GPHN: variants seen among roughly 807,000 people sequenced by gnomAD.
The protein encoded by GPHN is gephyrin.
GPHN carries 17 observed loss-of-function variants against 95.5 expected under a neutral mutation model. The observed-to-expected ratio is 0.18, with a 90% CI of 0.12 to 0.27. The LOEUF is 0.27. Ranked by LOEUF, GPHN falls within the 10% of genes least tolerant of loss-of-function variation. The pLI, the probability that GPHN is intolerant of heterozygous loss-of-function variation, is 1.00. For missense variants in GPHN, 660 were observed against 978.1 expected (o/e 0.67, Z 4.34); for synonymous variants, 320 against 322.5 (o/e 0.99, Z 0.08).
At chr14:66,911,064 TTAGA>T (rs1376395676) in intron 5 of GPHN, among the ~76,000 whole-genome samples, 1 of 152,046 alleles carries the variant, frequency 6.6e-6, no homozygotes, top group African/African-American at 2.4e-5. Flanking sequence ...GAAAATATAT[TTAGA>T]TAAACATATG....
chr14:67,326,418 G>A, the GPHN span, among the ~76,000 whole-genome samples: 1 of 151,100 alleles, frequency 6.6e-6, no homozygotes, highest in Non-Finnish European at 1.5e-5. Flanking sequence ...GTACCAAAAT[G>A]TTTTAACAAT....
intron 4 of GPHN, among the ~76,000 whole-genome samples, chr14:66,850,631 T>C (rs978834082): frequency 6.6e-6 from 1 of 152,148 alleles, no homozygotes; most frequent in African/African-American, 2.4e-5. Context: ...TACCTAGTGA[T>C]ATCAGGTGGG....
intron 17 of GPHN, among the ~76,000 whole-genome samples, chr14:67,135,989 A>G (rs1480029531): frequency 4.6e-5 from 7 of 152,200 alleles, no homozygotes; most frequent in Non-Finnish European, 1.0e-4. Context: ...TAAATCTTAA[A>G]ATTTGAAAAT....
At chr14:66,889,624 A>G (rs1464117417) in intron 5 of GPHN, among the ~76,000 whole-genome samples, 1 of 152,172 alleles carries the variant, frequency 6.6e-6, no homozygotes, top group Non-Finnish European at 1.5e-5. Flanking sequence ...AGCAGCACTG[A>G]TATTGCTGTA....
the GPHN span, among the ~76,000 whole-genome samples, chr14:67,653,725 G>A: frequency 6.6e-6 from 1 of 152,178 alleles, no homozygotes; most frequent in Admixed American, 6.5e-5. Context: ...GTTGCTGCTG[G>A]GGATGGACTC....
At chr14:67,365,403 T>C in the GPHN span, among the ~76,000 whole-genome samples, 1 of 152,216 alleles carries the variant, frequency 6.6e-6, no homozygotes, top group African/African-American at 2.4e-5. Context: ...TGGGTAAGCA[T>C]GAAAATGGGG....
chr14:67,386,557 C>A, the GPHN span: 5 of 152,212 alleles, frequency 3.3e-5, no homozygotes, highest in Admixed American at 6.5e-5. Context: ...AACCTTCCAA[C>A]TGGTGAAGTT....
intron 5 of GPHN, among the ~76,000 whole-genome samples, chr14:66,914,853 A>G (rs2065831501): frequency 6.6e-6 from 1 of 152,122 alleles, no homozygotes; most frequent in Admixed American, 6.6e-5. Flanking sequence ...GTAAACAGGA[A>G]CATATTAAGA....
At chr14:67,234,841 C>T in the GPHN span, among the ~76,000 whole-genome samples, 12 of 151,456 alleles carry the variant, frequency 7.9e-5, no homozygotes, top group African/African-American at 2.7e-4. Context: ...GGAACCACTG[C>T]GCCCGGCCTA....
intron 12 of GPHN, among the ~76,000 whole-genome samples, chr14:67,095,966 C>CAAAAAAAAAAAAAAAAAAAAAAAAATA: frequency 1.5e-5 from 1 of 67,086 alleles, no homozygotes; most frequent in Admixed American, 1.4e-4. Context: ...AAGAAAAAGG[C>CAAAAAAAAAAAAAAAAAAAAAAAAATA]AAAAAAAAAA....
chr14:66,790,914 A>G (rs937762337), intron 3 of GPHN, among the ~76,000 whole-genome samples: 3 of 152,242 alleles, frequency 2.0e-5, no homozygotes, highest in Admixed American at 1.3e-4. Context: ...TGTCACCAAC[A>G]GCCATCAGCA....
the GPHN span, among the ~76,000 whole-genome samples, chr14:67,726,519 G>C: frequency 6.6e-6 from 1 of 152,174 alleles, no homozygotes; most frequent in Non-Finnish European, 1.5e-5. Flanking sequence ...CCATGGGTTG[G>C]TCCACGGAGG....
At chr14:66,720,352 G>A (rs990141095) in intron 2 of GPHN, among the ~76,000 whole-genome samples, 71 of 152,232 alleles carry the variant, frequency 4.7e-4, no homozygotes, top group African/African-American at 1.6e-3. Flanking sequence ...CCAAGAGTTC[G>A]AGACCAGCCT....
the GPHN span, chr14:67,467,763 T>C: frequency 6.6e-6 from 1 of 152,178 alleles, no homozygotes; most frequent in Admixed American, 6.5e-5. Context: ...AGGTCTCTGC[T>C]TATATTGAAC....
chr14:66,525,366 A>C (rs148584085), intron 1 of GPHN, among the ~76,000 whole-genome samples: 1 of 152,036 alleles, frequency 6.6e-6, no homozygotes, highest in Admixed American at 6.6e-5. Context: ...AAATTTGTTT[A>C]AGTTCTTTGT....
rs557867219 is a variant in GPHN, at chr14:67,047,992, T to G, written c.1007-10657T>G. ...AGATGAAACATTGTATATTAAGAAC[T>G]GACTGGTTTAAGAGGATGCATTTTA... On this transcript the variant is annotated intron_variant, in intron 10 of 22. Transcript: ENST00000478722. Among the ~76,000 whole-genome samples the G allele has an allele frequency of 5.9e-5, 9 of 152,334 alleles. No individual in the cohort carries two copies. The East Asian group carries it at 1.7e-3, about 29-fold the overall frequency.
chr14:67,089,133 CTTTT>C (rs1163483546), intron 12 of GPHN, 58 bp downstream of exon 12: 42 of 198,434 alleles, frequency 2.1e-4, no homozygotes, highest in East Asian at 3.4e-4. Flanking sequence ...TTCTTTTTTT[CTTTT>C]TTTTTTTTTT....
chr14:67,733,622 G>C, the GPHN span: 71 of 667,528 alleles, frequency 1.1e-4, no homozygotes, highest in Non-Finnish European at 1.7e-4. Flanking sequence ...TGTATAATTA[G>C]TTTCTTTGAG....
the GPHN span, among the ~76,000 whole-genome samples, chr14:67,397,388 T>C: frequency 6.6e-6 from 1 of 152,222 alleles, no homozygotes; most frequent in South Asian, 2.1e-4. Context: ...AGTGCTCTAA[T>C]ACACCGTGAC....
Sources: gnomAD v4.1 joint callset for allele counts (sites outside exome capture counted in the v4.1 genomes callset) on GRCh38, gnomAD v4.1.1 for gene constraint, MANE v1.5 for transcripts, NCBI Gene and HGNC (gene_info 2026-07-23, HGNC 2026-07-21) for gene names.